Variants in OPCML observed in about 807,000 individuals in gnomAD.
OPCML encodes opioid-binding protein/cell adhesion molecule.
A neutral mutation model predicts 37.8 loss-of-function variants in OPCML; 13 were observed. The observed-to-expected ratio is 0.34, with a 90% CI of 0.22 to 0.55. OPCML has a LOEUF of 0.55. Ranked by LOEUF, OPCML falls within the 20% of genes least tolerant of loss-of-function variation. The pLI is 0.91. For missense variants in OPCML, 341 were observed against 435.6 expected, an observed-to-expected ratio of 0.78 and a Z score of 1.93; for synonymous variants, 176 against 168.8, an observed-to-expected ratio of 1.04 and a Z score of -0.33.
At chr11:132,833,459 C>G (rs1217989897) in intron 2 of OPCML, among the ~76,000 whole-genome samples, 11 of 152,206 alleles carry the variant, frequency 7.2e-5, no homozygotes. Flanking sequence ...TTCTAGATAC[C>G]TCCTGAAGGC....
At chr11:132,978,903 T>A (rs1946523622) in intron 1 of OPCML, among the ~76,000 whole-genome samples, 1 of 152,184 alleles carries the variant, frequency 6.6e-6, no homozygotes, top group African/African-American at 2.4e-5. Flanking sequence ...CCACTTGAAT[T>A]TTTAGTAGGC....
chr11:133,502,883 G>A (rs983767307), intron 1 of OPCML, among the ~76,000 whole-genome samples: 1 of 152,174 alleles, frequency 6.6e-6, no homozygotes, highest in Non-Finnish European at 1.5e-5. Flanking sequence ...ACTGAGGAGG[G>A]CCAGCCATCC....
Position 132,419,481 on chromosome 11 carries a change from G to T in OPCML, c.*712C>A, listed in dbSNP as rs1268265589. On this transcript the variant is annotated 3_prime_UTR_variant, in exon 8 of 8. Coordinates refer to ENST00000524381, the MANE Select transcript of OPCML (RefSeq NM_001012393.5). ...AAAATAGAGGTTCTATCTTCAAAAT[G>T]CCTCCCCCTTTTTTGGTTACTTGAC... 6.6e-6 allele frequency: 1 copy of T among 152,110 alleles called. No individual in the cohort carries two copies. Among genetic ancestry groups the T allele is most frequent in the Admixed American group, 6.5e-5 (1 of 15,274 alleles). The allele number at this position is 152,110 out of a possible 1,614,324, so 9.4% of individuals were successfully genotyped here. A position where few individuals can be genotyped will look rare whatever the true frequency, so the allele number is the denominator to read the frequency against.
intron 1 of OPCML, among the ~76,000 whole-genome samples, chr11:133,085,871 G>C (rs568550): frequency 3.9e-5 from 6 of 152,036 alleles, no homozygotes; most frequent in Admixed American, 1.3e-4. Context: ...GAGATCATGC[G>C]TATGTTAAAT....
Position 132,943,217 on chromosome 11 carries a change from G to C in OPCML, c.62-207C>G, listed in dbSNP as rs899285095. The stretch of plus-strand genomic sequence containing the variant: ...AGGGGCAGAGTTCGCCAGGAGCAGG[G>C]GGAAGGAGAAGAGAGGAGTCCGGGC... On this transcript the variant is annotated intron_variant, in intron 1 of 7. Transcript: ENST00000524381. This position sits in a 1 kb window ranked among gnomAD's most constrained non-coding sequence, Gnocchi z 4.3. 1.7e-4 allele frequency: 249 copies of C among 1,450,628 alleles called. No homozygotes were observed. The highest frequency in any genetic ancestry group is 2.7e-4 in the Admixed American group (13 of 48,638). The allele number at this position is 1,450,628 out of a possible 1,614,324, so 89.9% of individuals were successfully genotyped here.
At chr11:132,890,045 A>G (rs912498741) in intron 2 of OPCML, among the ~76,000 whole-genome samples, 16 of 152,212 alleles carry the variant, frequency 1.1e-4, no homozygotes, top group African/African-American at 3.6e-4. Flanking sequence ...AGCTTCCATC[A>G]TCATCCGCAA....
chr11:133,516,550 G>A (rs1172314456), intron 1 of OPCML, among the ~76,000 whole-genome samples: 1 of 152,192 alleles, frequency 6.6e-6, no homozygotes, highest in African/African-American at 2.4e-5. Context: ...CCATGAATGA[G>A]TTTTAATAAT....
intron 2 of OPCML, among the ~76,000 whole-genome samples, chr11:132,880,907 C>G (rs550499601): frequency 7.9e-5 from 12 of 152,344 alleles, no homozygotes; most frequent in African/African-American, 2.9e-4. Context: ...TTGCTTTAAC[C>G]TGAAGACAAC....
chr11:133,532,448 G>C lies in OPCML; in HGVS notation c.-124C>G. 8.4e-7 allele frequency: 1 copy of C among 1,187,240 alleles called. No homozygotes were observed. The allele number at this position is 1,187,240 out of a possible 1,614,324, so 73.5% of individuals were successfully genotyped here. On this transcript the variant is annotated 5_prime_UTR_variant, in exon 1 of 8. Coordinates refer to ENST00000524381, the MANE Select transcript of OPCML (RefSeq NM_001012393.5). Reference sequence around the variant, plus strand: ...TCCAATGTTTGCAAAGGGAGGGAGAGAGCAGAAGAGAGAGAGAGCGCGCGA... The same window carrying C: ...TCCAATGTTTGCAAAGGGAGGGAGACAGCAGAAGAGAGAGAGAGCGCGCGA...
chr11:132,817,792 G>T (rs1317463157), intron 2 of OPCML, among the ~76,000 whole-genome samples: 1 of 151,842 alleles, frequency 6.6e-6, no homozygotes. Context: ...TGGAAGAAGA[G>T]CCTAGTACTT....
At chr11:132,457,928 A>G in intron 4 of OPCML, among the ~76,000 whole-genome samples, 1 of 152,250 alleles carries the variant, frequency 6.6e-6, no homozygotes, top group East Asian at 1.9e-4. Flanking sequence ...AAGGACAGGC[A>G]AAGTGTCTGC....
At chr11:133,312,634 G>A (rs1943092176) in intron 1 of OPCML, among the ~76,000 whole-genome samples, 1 of 152,284 alleles carries the variant, frequency 6.6e-6, no homozygotes. Flanking sequence ...AAAGTGTATT[G>A]TCTCAAGATT....
chr11:133,492,883 A>G (rs1186524854), intron 1 of OPCML, among the ~76,000 whole-genome samples: 1 of 152,148 alleles, frequency 6.6e-6, no homozygotes, highest in Non-Finnish European at 1.5e-5. Context: ...CCTTGGGGAT[A>G]CAGCAGCACC....
intron 2 of OPCML, among the ~76,000 whole-genome samples, chr11:132,874,871 G>C (rs1470087288): frequency 6.6e-6 from 1 of 152,096 alleles, no homozygotes; most frequent in Non-Finnish European, 1.5e-5. Context: ...AGAAATGTGG[G>C]CTTAGCTCTT....
chr11:133,465,729 C>T (rs1043328563), intron 1 of OPCML, among the ~76,000 whole-genome samples: 7 of 152,140 alleles, frequency 4.6e-5, no homozygotes, highest in African/African-American at 1.7e-4. Flanking sequence ...TGAACTTGGG[C>T]AGACAATGTA....
At chr11:132,736,279 G>A (rs890965232) in intron 2 of OPCML, among the ~76,000 whole-genome samples, 1 of 152,162 alleles carries the variant, frequency 6.6e-6, no homozygotes, top group Admixed American at 6.5e-5. Context: ...CTATATGGAA[G>A]GAAGCACACT....
intron 2 of OPCML, among the ~76,000 whole-genome samples, chr11:132,763,096 G>A (rs903220521): frequency 6.6e-6 from 1 of 152,094 alleles, no homozygotes; most frequent in Non-Finnish European, 1.5e-5. Context: ...TGCTTCCCGG[G>A]TGAGGCGACA....
At chr11:133,516,745 C>T (rs188804408) in intron 1 of OPCML, among the ~76,000 whole-genome samples, 14 of 152,258 alleles carry the variant, frequency 9.2e-5, no homozygotes, top group African/African-American at 2.6e-4. Flanking sequence ...TGGAGAGTTA[C>T]GAGCCACGGG....
chr11:132,539,603 G>A (rs1373197754), intron 3 of OPCML, among the ~76,000 whole-genome samples: 1 of 152,032 alleles, frequency 6.6e-6, no homozygotes, highest in Non-Finnish European at 1.5e-5. Context: ...GGTGATAGAT[G>A]ATGATGGTGA....
Sources: allele counts gnomAD v4.1 joint callset (sites outside exome capture counted in the v4.1 genomes callset), GRCh38; gene constraint gnomAD v4.1.1; non-coding constraint Gnocchi (gnomAD v3.1); transcripts MANE v1.5; gene names NCBI Gene and HGNC (gene_info 2026-07-23, HGNC 2026-07-21).